The following DSCAML1 variants were observed in gnomAD, a reference collection of about 807,000 sequenced individuals.
DSCAML1 encodes the protein cell adhesion molecule DSCAML1.
Under a neutral mutation model 200.5 loss-of-function variants are expected in DSCAML1, and 38 were observed. The observed-to-expected ratio is 0.19, with a 90% CI of 0.15 to 0.25. DSCAML1 has a LOEUF of 0.25. Ranked by LOEUF, DSCAML1 falls within the 10% of genes least tolerant of loss-of-function variation. The pLI, the probability that DSCAML1 is intolerant of heterozygous loss-of-function variation, is 1.00. For synonymous variants in DSCAML1, 1,215 were observed against 1,165.0 expected, an observed-to-expected ratio of 1.04 and a Z score of -0.87; for missense variants, 2,223 against 2,858.8, an observed-to-expected ratio of 0.78 and a Z score of 5.07.
At chr11:117,760,069 C>T (rs2054772726) in intron 3 of DSCAML1, among the ~76,000 whole-genome samples, 1 of 152,142 alleles carries the variant, frequency 6.6e-6, no homozygotes, top group Non-Finnish European at 1.5e-5. Flanking sequence ...CAACAACCTC[C>T]TATCTCCGCA....
chr11:117,620,251 A>G (rs1393074102), intron 3 of DSCAML1, among the ~76,000 whole-genome samples: 1 of 152,186 alleles, frequency 6.6e-6, no homozygotes, highest in Non-Finnish European at 1.5e-5. Context: ...CAGCTTCCCC[A>G]TACAAAAGAG....
intron 3 of DSCAML1, among the ~76,000 whole-genome samples, chr11:117,711,615 A>C (rs1438455597): frequency 6.6e-6 from 1 of 152,198 alleles, no homozygotes; most frequent in Non-Finnish European, 1.5e-5. Flanking sequence ...GACAACACTC[A>C]TGGTGTGCTG....
At chr11:117,537,705 G>A (rs1484398511) in intron 3 of DSCAML1, among the ~76,000 whole-genome samples, 1 of 152,200 alleles carries the variant, frequency 6.6e-6, no homozygotes, top group Non-Finnish European at 1.5e-5. Flanking sequence ...AGAAGAGGGC[G>A]ATCTGGACAC....
chr11:117,747,229 G>C (rs2054532662), intron 3 of DSCAML1, among the ~76,000 whole-genome samples: 1 of 152,092 alleles, frequency 6.6e-6, no homozygotes, highest in Non-Finnish European at 1.5e-5. Context: ...CCCCTAACCG[G>C]TGTTCTCTCC....
chr11:117,492,857 G>C (rs1378243532), intron 11 of DSCAML1, among the ~76,000 whole-genome samples: 1 of 152,214 alleles, frequency 6.6e-6, no homozygotes, highest in Non-Finnish European at 1.5e-5. Flanking sequence ...TTCTTAAAGA[G>C]CCAGGGCCAT....
At chr11:117,620,572 G>C (rs565363262) in intron 3 of DSCAML1, among the ~76,000 whole-genome samples, 38 of 152,272 alleles carry the variant, frequency 2.5e-4, no homozygotes, top group Non-Finnish European at 4.9e-4. Context: ...TTGGACTGGG[G>C]CCCCCTACTT....
intron 3 of DSCAML1, among the ~76,000 whole-genome samples, chr11:117,636,601 G>A (rs1267817206): frequency 6.6e-6 from 1 of 152,170 alleles, no homozygotes; most frequent in East Asian, 1.9e-4. Flanking sequence ...GGAGCAGGGA[G>A]CCACACTTCC....
chr11:117,545,065 A>G (rs2050345438), intron 3 of DSCAML1, among the ~76,000 whole-genome samples: 1 of 151,980 alleles, frequency 6.6e-6, no homozygotes, highest in Non-Finnish European at 1.5e-5. Flanking sequence ...CCCGGTCTCT[A>G]CTAAAAATAC....
intron 1 of DSCAML1, among the ~76,000 whole-genome samples, chr11:117,792,554 C>G (rs2055490102): frequency 6.6e-6 from 1 of 150,768 alleles, no homozygotes; most frequent in African/African-American, 2.4e-5. Flanking sequence ...GGTGCTATAT[C>G]TTTCATCTCT....
At chr11:117,512,627 T>G (rs969903846) in intron 8 of DSCAML1, among the ~76,000 whole-genome samples, 4 of 148,900 alleles carry the variant, frequency 2.7e-5, no homozygotes, top group African/African-American at 9.9e-5. Context: ...GGGGAAGGTG[T>G]GCATGCAAGC....
chr11:117,615,603 C>A (rs2051796357), intron 3 of DSCAML1, among the ~76,000 whole-genome samples: 1 of 151,972 alleles, frequency 6.6e-6, no homozygotes, highest in Non-Finnish European at 1.5e-5. Flanking sequence ...TTGGTGGTCG[C>A]CAGCTGTTCC....
At chr11:117,700,372 T>C (rs181701277) in intron 3 of DSCAML1, among the ~76,000 whole-genome samples, 1 of 152,190 alleles carries the variant, frequency 6.6e-6, no homozygotes, top group African/African-American at 2.4e-5. Flanking sequence ...CCACACCACA[T>C]CACATCCTAT....
At chr11:117,564,705 T>C (rs11216453) in intron 3 of DSCAML1, among the ~76,000 whole-genome samples, 3,463 of 150,730 alleles carry the variant, frequency 0.023, 141 homozygotes, top group African/African-American at 0.081. Context: ...TTCCTTCCTT[T>C]CTTCCTTCTT....
chr11:117,683,223 G>C (rs915103978), intron 3 of DSCAML1, among the ~76,000 whole-genome samples: 4 of 152,248 alleles, frequency 2.6e-5, no homozygotes, highest in African/African-American at 9.6e-5. Flanking sequence ...GATGAGGGAT[G>C]AGGTCTGAAA....
At position 117,484,884 on chromosome 11, in the gene DSCAML1, A is replaced by G. The variant is rs2049006288; in HGVS notation, c.2360-2722T>C. On this transcript the variant is annotated intron_variant, in intron 11 of 32. Coordinates refer to ENST00000651296, the MANE Select transcript of DSCAML1 (RefSeq NM_020693.4). ...GCTGAAGCCACAGAGAAGCAGAGGAACAGTGTGTGTGTGTGTGTGTGTGTG... is the reference window on the plus strand; with the variant it reads ...GCTGAAGCCACAGAGAAGCAGAGGAGCAGTGTGTGTGTGTGTGTGTGTGTG... Among the ~76,000 whole-genome samples, 3 of 132,254 alleles carry G rather than the reference A, an allele frequency of 2.3e-5. 1 individual carries two copies. The South Asian group carries it at 8.1e-4, about 36-fold the overall frequency. 86.8% of individuals were successfully genotyped at this position (132,254 alleles called of 152,430 possible). A position where few individuals can be genotyped will look rare whatever the true frequency, so the allele number is the denominator to read the frequency against.
At chr11:117,649,130 G>A (rs2052578968) in intron 3 of DSCAML1, among the ~76,000 whole-genome samples, 2 of 151,286 alleles carry the variant, frequency 1.3e-5, no homozygotes, top group Admixed American at 1.3e-4. Context: ...AGGCTTGAGT[G>A]CAATGGCATG....
chr11:117,459,869 G>T (rs572163821), intron 18 of DSCAML1, among the ~76,000 whole-genome samples: 2 of 152,362 alleles, frequency 1.3e-5, no homozygotes, highest in South Asian at 4.1e-4. Context: ...GCCTAGCCAG[G>T]GAAAGCAGCA....
intron 3 of DSCAML1, among the ~76,000 whole-genome samples, chr11:117,692,903 A>G (rs143112803): frequency 2.6e-3 from 392 of 152,340 alleles, no homozygotes; most frequent in African/African-American, 9.1e-3. Flanking sequence ...CCCTATGCAC[A>G]GGAAGACCAT....
chr11:117,430,166 C>T (rs373922004), intron 32 of DSCAML1, among the ~76,000 whole-genome samples: 14 of 152,348 alleles, frequency 9.2e-5, no homozygotes, highest in African/African-American at 2.9e-4. Flanking sequence ...GCATATGCTC[C>T]GGCCAGGCCC....
Sources: allele counts gnomAD v4.1 joint callset (sites outside exome capture counted in the v4.1 genomes callset), GRCh38; gene constraint gnomAD v4.1.1; transcripts MANE v1.5; gene names NCBI Gene and HGNC (gene_info 2026-07-23, HGNC 2026-07-21).